PTPRM: variants seen among roughly 807,000 people sequenced by gnomAD.
PTPRM encodes the protein receptor-type tyrosine-protein phosphatase mu.
In PTPRM, 47 loss-of-function variants were observed where a neutral mutation model predicts 186.7. The observed-to-expected ratio is 0.25, with a 90% CI of 0.20 to 0.32. The LOEUF (loss-of-function observed/expected upper bound fraction) is 0.32. Ranked by LOEUF, PTPRM falls within the 10% of genes least tolerant of loss-of-function variation. The pLI is 1.00. For synonymous variants in PTPRM, 668 were observed against 674.9 expected, an observed-to-expected ratio of 0.99 and a Z score of 0.16; for missense variants, 1,494 against 1,865.0, an observed-to-expected ratio of 0.80 and a Z score of 3.66.
intron 7 of PTPRM, among the ~76,000 whole-genome samples, chr18:8,050,907 G>T (rs907808717): frequency 6.6e-6 from 1 of 152,060 alleles, no homozygotes; most frequent in Non-Finnish European, 1.5e-5. Context: ...CCAAGAATGA[G>T]ATTCAGAAGT....
chr18:8,279,641 G>T (rs982481862), intron 19 of PTPRM, among the ~76,000 whole-genome samples: 1 of 152,152 alleles, frequency 6.6e-6, no homozygotes. Context: ...CACATGAAAC[G>T]TGGCTTGACT....
intron 1 of PTPRM, among the ~76,000 whole-genome samples, chr18:7,736,819 G>T (rs1375125938): frequency 6.6e-6 from 1 of 152,164 alleles, no homozygotes; most frequent in East Asian, 1.9e-4. Context: ...GGCCAGGCCT[G>T]GTTTCGGGCC....
At chr18:7,581,653 T>G (rs2036848328) in intron 1 of PTPRM, among the ~76,000 whole-genome samples, 1 of 151,652 alleles carries the variant, frequency 6.6e-6, no homozygotes, top group Non-Finnish European at 1.5e-5. Context: ...CATGTTTCAT[T>G]TACTTTTTTT....
chr18:8,029,020 A>G (rs2085761425), intron 7 of PTPRM, among the ~76,000 whole-genome samples: 1 of 152,238 alleles, frequency 6.6e-6, no homozygotes, highest in Non-Finnish European at 1.5e-5. Context: ...CACCAACACC[A>G]GGGCTGGGCC....
intron 21 of PTPRM, 89 bp from the exon 22 acceptor site, chr18:8,319,089 G>T: frequency 1.1e-6 from 1 of 877,736 alleles, no homozygotes; most frequent in Non-Finnish European, 1.8e-6. Context: ...GCGTTTGTGT[G>T]CACATTCCTT....
chr18:7,696,824 T>C (rs2039855564), intron 1 of PTPRM, among the ~76,000 whole-genome samples: 2 of 152,128 alleles, frequency 1.3e-5, no homozygotes, highest in African/African-American at 4.8e-5. Flanking sequence ...CCAAATGACA[T>C]AGTATTCTGT....
At chr18:7,804,009 T>C (rs1314264258) in intron 2 of PTPRM, among the ~76,000 whole-genome samples, 1 of 152,172 alleles carries the variant, frequency 6.6e-6, no homozygotes, top group Non-Finnish European at 1.5e-5. Flanking sequence ...GAAGACTCTT[T>C]CATCTGGTGA....
At chr18:8,085,188 T>C (rs547519989) in intron 9 of PTPRM, among the ~76,000 whole-genome samples, 51 of 152,140 alleles carry the variant, frequency 3.4e-4, no homozygotes, top group African/African-American at 1.2e-3. Flanking sequence ...CTGTCTAGGA[T>C]TCCAGTCATT....
chr18:7,774,551 G>A (rs1408265975), intron 2 of PTPRM, among the ~76,000 whole-genome samples: 1 of 152,184 alleles, frequency 6.6e-6, no homozygotes, highest in East Asian at 1.9e-4. Context: ...CAGCAAATAT[G>A]AGAAAAAGAT....
At chr18:7,920,540 A>T (rs2050799854) in intron 4 of PTPRM, among the ~76,000 whole-genome samples, 1 of 152,140 alleles carries the variant, frequency 6.6e-6, no homozygotes, top group Non-Finnish European at 1.5e-5. Flanking sequence ...GCGTGTTTTT[A>T]TACGGCCTAT....
chr18:7,966,775 C>T (rs1320806544), intron 7 of PTPRM, among the ~76,000 whole-genome samples: 1 of 136,932 alleles, frequency 7.3e-6, no homozygotes, highest in South Asian at 2.5e-4. Context: ...CACCACGAGA[C>T]TATATCCCAC....
chr18:8,315,577 G>A (rs1009142273), intron 21 of PTPRM, among the ~76,000 whole-genome samples: 3 of 152,114 alleles, frequency 2.0e-5, no homozygotes, highest in Non-Finnish European at 4.4e-5. Context: ...TCCAAGGCCC[G>A]AGTTTATATT....
chr18:7,765,045 A>G (rs914599770), intron 1 of PTPRM, among the ~76,000 whole-genome samples: 1 of 152,232 alleles, frequency 6.6e-6, no homozygotes, highest in Non-Finnish European at 1.5e-5. Context: ...AAAAATTGAG[A>G]TAGTCAAGTT....
chr18:7,678,159 T>C (rs1389555769), intron 1 of PTPRM, among the ~76,000 whole-genome samples: 1 of 151,894 alleles, frequency 6.6e-6, no homozygotes, highest in African/African-American at 2.4e-5. Context: ...AAGTGGGTGG[T>C]GATTGTCCCG....
At chr18:8,179,984 A>G (rs1434678409) in intron 14 of PTPRM, among the ~76,000 whole-genome samples, 1 of 152,194 alleles carries the variant, frequency 6.6e-6, no homozygotes, top group Non-Finnish European at 1.5e-5. Flanking sequence ...TGTGTAGGGA[A>G]AGCAAATGTG....
intron 7 of PTPRM, among the ~76,000 whole-genome samples, chr18:7,958,466 G>A (rs982331076): frequency 6.6e-6 from 1 of 152,162 alleles, no homozygotes; most frequent in Non-Finnish European, 1.5e-5. Flanking sequence ...AGAAGGGGAT[G>A]GGGAGGAAAG....
intron 1 of PTPRM, among the ~76,000 whole-genome samples, chr18:7,740,591 A>C (rs1048102247): frequency 4.6e-5 from 7 of 152,040 alleles, no homozygotes; most frequent in Non-Finnish European, 7.4e-5. Flanking sequence ...GCTAATTTTT[A>C]AAAATTTATG....
intron 2 of PTPRM, among the ~76,000 whole-genome samples, chr18:7,802,104 C>T (rs1053709817): frequency 6.6e-6 from 1 of 152,156 alleles, no homozygotes; most frequent in South Asian, 2.1e-4. Flanking sequence ...TCCCCTCTCC[C>T]TTCTCTGAGG....
intron 4 of PTPRM, among the ~76,000 whole-genome samples, chr18:7,917,634 A>G (rs556019874): frequency 6.6e-6 from 1 of 152,346 alleles, no homozygotes; most frequent in South Asian, 2.1e-4. Flanking sequence ...AAATGGAAGC[A>G]GTGTAACTGG....
Sources: gnomAD v4.1 joint callset for allele counts (sites outside exome capture counted in the v4.1 genomes callset) on GRCh38, gnomAD v4.1.1 for gene constraint, MANE v1.5 for transcripts, NCBI Gene and HGNC (gene_info 2026-07-23, HGNC 2026-07-21) for gene names.